Variants in SOX6 observed in about 807,000 individuals in gnomAD.
SOX6 encodes the protein SRY-box transcription factor 6.
A neutral mutation model predicts 97.8 loss-of-function variants in SOX6; 11 were observed. The observed-to-expected ratio is 0.11, with a 90% CI of 0.07 to 0.19. The LOEUF (loss-of-function observed/expected upper bound fraction) is 0.19. SOX6 is among the 10% of genes least tolerant of loss of function. SOX6 has a pLI of 1.00. For synonymous variants in SOX6, 360 were observed against 371.4 expected, an observed-to-expected ratio of 0.97 and a Z score of 0.35; for missense variants, 810 against 1,039.5, an observed-to-expected ratio of 0.78 and a Z score of 3.04.
intron 6 of SOX6, among the ~76,000 whole-genome samples, chr11:16,167,292 A>G (rs1850912326): frequency 6.6e-6 from 1 of 151,974 alleles, no homozygotes; most frequent in Non-Finnish European, 1.5e-5. Flanking sequence ...TTCACTCTAA[A>G]TCTCGTTGGC....
chr11:16,388,979 T>A (rs1590178823), intron 1 of SOX6, among the ~76,000 whole-genome samples: 1 of 152,182 alleles, frequency 6.6e-6, no homozygotes, highest in Non-Finnish European at 1.5e-5. Flanking sequence ...TCTCTTTTAT[T>A]TTCTGGGACT....
At chr11:16,277,355 G>C (rs1282558660) in intron 3 of SOX6, among the ~76,000 whole-genome samples, 1 of 152,054 alleles carries the variant, frequency 6.6e-6, no homozygotes, top group African/African-American at 2.4e-5. Context: ...GGAGAAGACA[G>C]AGATCTTCAA....
At chr11:16,673,866 T>C (rs1461494471) in intron 3 of SOX6, among the ~76,000 whole-genome samples, 12 of 152,078 alleles carry the variant, frequency 7.9e-5, no homozygotes, top group Admixed American at 7.9e-4. Flanking sequence ...AACAAAATAC[T>C]GGCAAACCAA....
intron 1 of SOX6, among the ~76,000 whole-genome samples, chr11:16,401,513 T>C: frequency 6.6e-6 from 1 of 151,570 alleles, no homozygotes; most frequent in East Asian, 1.9e-4. Flanking sequence ...CAGTCTTCTT[T>C]TGATTTCAGT....
At chr11:16,482,552 G>A (rs1860361611) in intron 4 of SOX6, among the ~76,000 whole-genome samples, 1 of 152,104 alleles carries the variant, frequency 6.6e-6, no homozygotes, top group Admixed American at 6.6e-5. Flanking sequence ...TGACAAAAAA[G>A]TGTCACTTGT....
intron 4 of SOX6, among the ~76,000 whole-genome samples, chr11:16,507,763 T>C (rs1860814981): frequency 6.6e-6 from 1 of 152,122 alleles, no homozygotes; most frequent in Non-Finnish European, 1.5e-5. Context: ...ATTAAAGACT[T>C]AAACATAGAC....
At chr11:16,394,907 A>G (rs1858300777) in intron 1 of SOX6, among the ~76,000 whole-genome samples, 1 of 151,886 alleles carries the variant, frequency 6.6e-6, no homozygotes, top group African/African-American at 2.4e-5. Context: ...GACAGACTAC[A>G]CTGAAAAACA....
chr11:16,569,918 T>C (rs1478386873), intron 4 of SOX6, among the ~76,000 whole-genome samples: 1 of 149,522 alleles, frequency 6.7e-6, no homozygotes, highest in Non-Finnish European at 1.5e-5. Context: ...GCTTTTGTAT[T>C]TTTAGTGGGG....
At chr11:16,640,690 A>G (rs1040503365) in intron 3 of SOX6, among the ~76,000 whole-genome samples, 3 of 151,988 alleles carry the variant, frequency 2.0e-5, no homozygotes, top group Non-Finnish European at 2.9e-5. Flanking sequence ...TTTCTAGTTA[A>G]TTTGCGTAGA....
At chr11:16,642,898 C>A (rs1848943444) in intron 3 of SOX6, among the ~76,000 whole-genome samples, 2 of 152,182 alleles carry the variant, frequency 1.3e-5, no homozygotes, top group Admixed American at 1.3e-4. Flanking sequence ...TCGTCTGAAG[C>A]CTTCTTCTCT....
intron 3 of SOX6, among the ~76,000 whole-genome samples, chr11:16,288,646 A>G (rs1263039797): frequency 6.6e-6 from 1 of 152,060 alleles, no homozygotes; most frequent in Non-Finnish European, 1.5e-5. Context: ...TGCTATTAAT[A>G]TATATAAGCC....
chr11:16,035,673 A>G (rs911980034), intron 12 of SOX6, among the ~76,000 whole-genome samples: 6 of 152,174 alleles, frequency 3.9e-5, no homozygotes, highest in Non-Finnish European at 8.8e-5. Context: ...ATCAATTAAT[A>G]TTATATTTAG....
chr11:16,490,822 CTTAA>C (rs1230073926), intron 4 of SOX6, among the ~76,000 whole-genome samples: 1 of 151,936 alleles, frequency 6.6e-6, no homozygotes. Flanking sequence ...ATATAAAAGA[CTTAA>C]TTAATATCAT....
Position 15,968,259 on chromosome 11 carries a change from G to C in SOX6, c.*4550C>G, listed in dbSNP as rs1200208049. On this transcript the variant is annotated 3_prime_UTR_variant, in exon 16 of 16. Coordinates refer to ENST00000683767, the MANE Select transcript of SOX6 (RefSeq NM_001367873.1). ...GCCAACTCAATTCTTAGACAAACGTGTACAAAATCAGGCAGGGCTACAGCA... is the reference window on the plus strand; with the variant it reads ...GCCAACTCAATTCTTAGACAAACGTCTACAAAATCAGGCAGGGCTACAGCA... 1 of 152,184 alleles carries C rather than the reference G, an allele frequency of 6.6e-6. No homozygotes were observed. Among genetic ancestry groups the C allele is most frequent in the Non-Finnish European group, 1.5e-5 (1 of 68,028 alleles). The allele number at this position is 152,184 out of a possible 1,614,324, so 9.4% of individuals were successfully genotyped here. A position where few individuals can be genotyped will look rare whatever the true frequency, so the allele number is the denominator to read the frequency against.
chr11:16,061,572 G>T lies in SOX6; in HGVS notation c.1102-5671C>A, dbSNP rs527597038. On this transcript the variant is annotated intron_variant, in intron 9 of 15. Transcript: ENST00000683767. The stretch of plus-strand genomic sequence containing the variant: ...AAAATTCATATGCAACCAAAAAAGA[G>T]CCCCAAGAGTCAAGGCAATCCTAAG... 4.0e-5 allele frequency among the ~76,000 whole-genome samples: 6 copies of T among 151,652 alleles called. No homozygotes were observed. In the East Asian group the frequency reaches 1.2e-3, roughly 29 times the overall value.
In SOX6 at chr11:16,341,150, A is replaced by T. The variant is rs1856619303; in HGVS notation, c.99T>A (p.Ser33Arg). ...GCAGATGGGAGGCCACATGTTGATC[A>T]CTGCCCTCTTCCTTTTCCCTTGAGG... The part of the protein sequence containing the change: ...DLTSREKEEG[S>R]DQHVASHLPL... The change falls in exon 2 of 16, where the codon AGT (serine) becomes AGA (arginine). Residue 33 changes from serine to arginine, a missense_variant. Ser to Arg is a moderately radical substitution (Grantham distance 110). This residue lies in a region of SOX6 where 100 missense variants were observed against 94.6 expected (regional missense o/e 1.06). Coordinates refer to ENST00000683767, the MANE Select transcript of SOX6 (RefSeq NM_001367873.1). 6.2e-7 allele frequency: 1 copy of T among 1,613,430 alleles called. No individual in the cohort carries two copies. The highest frequency in any genetic ancestry group is 8.5e-7 in the Non-Finnish European group (1 of 1,179,620).
intron 12 of SOX6, among the ~76,000 whole-genome samples, chr11:16,024,482 A>C (rs751909672): frequency 6.6e-6 from 1 of 150,874 alleles, no homozygotes; most frequent in Non-Finnish European, 1.5e-5. Flanking sequence ...ATCTAGTAGC[A>C]GTTCTATCTG....
chr11:16,395,347 T>C (rs555110651), intron 1 of SOX6, among the ~76,000 whole-genome samples: 187 of 151,850 alleles, frequency 1.2e-3, no homozygotes, highest in African/African-American at 4.3e-3. Flanking sequence ...AAGGTTTGCA[T>C]TGGAAGGAGC....
rs1431841522 is a variant in SOX6, at chr11:16,046,625, C to T, written c.1512G>A (p.Arg504=). 1 of 1,613,796 alleles carries T rather than the reference C, an allele frequency of 6.2e-7. No individual in the cohort carries two copies. The highest frequency in any genetic ancestry group is 8.5e-7 in the Non-Finnish European group (1 of 1,179,828). The part of the protein sequence containing the change: ...DTVMKAIQEA[R]KMREQIQREQ... The stretch of plus-strand genomic sequence containing the variant: ...CCCGCTGGATCTGCTCTCGCATCTT[C>T]CGCGCCTCCTGAATGGCTTTCATCA... The change falls in exon 12 of 16, where the codon CGG becomes CGA. Residue 504 remains arginine, a synonymous_variant. Coordinates refer to ENST00000683767, the MANE Select transcript of SOX6 (RefSeq NM_001367873.1).
Sources: gnomAD v4.1 joint callset for allele counts (sites outside exome capture counted in the v4.1 genomes callset) on GRCh38, gnomAD v4.1.1 for gene constraint, gnomAD v4.1.1 regional missense constraint, MANE v1.5 for transcripts, NCBI Gene and HGNC (gene_info 2026-07-23, HGNC 2026-07-21) for gene names.